Variants in CAST observed in about 807,000 individuals in gnomAD.
CAST encodes MIR583 host.
CAST carries 76 observed loss-of-function variants against 119.6 expected under a neutral mutation model. The observed-to-expected ratio is 0.64, with a 90% CI of 0.53 to 0.77. The LOEUF is 0.77. Ranked by LOEUF, CAST falls within the 30% of genes least tolerant of loss-of-function variation. The probability of loss-of-function intolerance (pLI) is 0.00; values close to 1 mark genes in which losing one functional copy is unlikely to be tolerated. For missense variants in CAST, 953 were observed against 946.5 expected (o/e 1.01, Z -0.09); for synonymous variants, 319 against 331.6 (o/e 0.96, Z 0.41).
the CAST span, among the ~76,000 whole-genome samples, chr5:96,152,518 G>A: frequency 6.6e-6 from 1 of 152,158 alleles, no homozygotes; most frequent in Non-Finnish European, 1.5e-5. Context: ...CCTGCTTTCA[G>A]GGAACTCTGT....
the CAST span, among the ~76,000 whole-genome samples, chr5:96,089,975 T>C: frequency 6.6e-6 from 1 of 152,206 alleles, no homozygotes; most frequent in Admixed American, 6.5e-5. Context: ...CCCCACTAAT[T>C]AGCTGTGTGA....
chr5:96,248,809 G>A, the CAST span, among the ~76,000 whole-genome samples: 2 of 152,176 alleles, frequency 1.3e-5, no homozygotes, highest in Non-Finnish European at 1.5e-5. Flanking sequence ...TACAAAAGAC[G>A]TGTTTTGTTT....
the CAST span, among the ~76,000 whole-genome samples, chr5:96,204,025 C>G: frequency 6.6e-6 from 1 of 152,074 alleles, no homozygotes; most frequent in African/African-American, 2.4e-5. Flanking sequence ...AGAGAAAAAC[C>G]CTGCTATTTC....
At chr5:96,240,411 T>C in the CAST span, among the ~76,000 whole-genome samples, 1 of 152,204 alleles carries the variant, frequency 6.6e-6, no homozygotes, top group Non-Finnish European at 1.5e-5. Flanking sequence ...GCGTCCGATT[T>C]CTGGGTCCAC....
the CAST span, among the ~76,000 whole-genome samples, chr5:96,498,699 A>G: frequency 6.6e-6 from 1 of 152,330 alleles, no homozygotes; most frequent in East Asian, 1.9e-4. Flanking sequence ...CTAGTGATGC[A>G]CCATTCAGAT....
chr5:96,127,934 AC>A, the CAST span, among the ~76,000 whole-genome samples: 1 of 152,118 alleles, frequency 6.6e-6, no homozygotes, highest in East Asian at 1.9e-4. Flanking sequence ...TTACATGTTA[AC>A]TTCAGTATCA....
chr5:96,492,472 G>A, the CAST span, among the ~76,000 whole-genome samples: 125,632 of 152,120 alleles, frequency 0.83, 53,082 homozygotes, highest in Non-Finnish European at 0.94. Context: ...AGCTACTGGG[G>A]TCTATTTCTA....
intron 18 of CAST, among the ~76,000 whole-genome samples, chr5:96,748,280 G>A (rs749088570): frequency 2.6e-5 from 4 of 152,158 alleles, no homozygotes; most frequent in Admixed American, 2.0e-4. Flanking sequence ...TCAAGGGAAT[G>A]TTTGACCAAA....
chr5:96,068,165 A>G, the CAST span, among the ~76,000 whole-genome samples: 5 of 152,172 alleles, frequency 3.3e-5, no homozygotes, highest in African/African-American at 1.2e-4. Flanking sequence ...CGATCCTGTC[A>G]TCATTTTAGT....
chr5:95,999,162 C>T, the CAST span, among the ~76,000 whole-genome samples: 1 of 152,070 alleles, frequency 6.6e-6, no homozygotes, highest in African/African-American at 2.4e-5. Context: ...AGGGCCCAGG[C>T]AACTACTAAC....
chr5:96,545,555 C>T (rs1000256624), intron 1 of CAST, among the ~76,000 whole-genome samples: 5 of 152,184 alleles, frequency 3.3e-5, no homozygotes, highest in Non-Finnish European at 7.3e-5. Flanking sequence ...CAATGTGCCA[C>T]CAAGTGATTT....
chr5:96,391,630 C>T, the CAST span: 1 of 152,110 alleles, frequency 6.6e-6, no homozygotes, highest in African/African-American at 2.4e-5. Context: ...AAATCAAATG[C>T]CTATTGGATA....
chr5:96,655,272 C>G (rs1019269007), intron 1 of CAST, among the ~76,000 whole-genome samples: 49 of 152,038 alleles, frequency 3.2e-4, no homozygotes, highest in Non-Finnish European at 7.4e-5. Context: ...AGAACAGCAA[C>G]ATGGAAAAAT....
At chr5:96,659,752 ACTC>A (rs1245202207), upstream of CAST, among the ~76,000 whole-genome samples, 1 of 151,904 alleles carries the variant, frequency 6.6e-6, no homozygotes, top group Non-Finnish European at 1.5e-5. Flanking sequence ...CTGGTCTCGA[ACTC>A]CTGAGCTCAG....
the CAST span, among the ~76,000 whole-genome samples, chr5:96,464,937 TC>T: frequency 6.6e-6 from 1 of 152,056 alleles, no homozygotes; most frequent in Non-Finnish European, 1.5e-5. Context: ...ATTTTCAAGT[TC>T]CTAATAAAAA....
the CAST span, among the ~76,000 whole-genome samples, chr5:96,466,757 A>G: frequency 6.6e-6 from 1 of 152,110 alleles, no homozygotes; most frequent in African/African-American, 2.4e-5. Context: ...ACTCTTCTTT[A>G]TGTAGAAACT....
At chr5:96,080,374 C>T in the CAST span, among the ~76,000 whole-genome samples, 5 of 152,266 alleles carry the variant, frequency 3.3e-5, no homozygotes, top group East Asian at 9.6e-4. Context: ...TGAAACTTGA[C>T]AAAATCTCAC....
the CAST span, among the ~76,000 whole-genome samples, chr5:95,998,577 C>A: frequency 1.2e-3 from 178 of 152,298 alleles, 1 homozygote; most frequent in African/African-American, 4.1e-3. Context: ...CATGTTGTCA[C>A]AAATGACATG....
chr5:96,617,034 A>T (rs1164204129), intron 1 of CAST, among the ~76,000 whole-genome samples: 1 of 152,114 alleles, frequency 6.6e-6, no homozygotes. Flanking sequence ...TTGACACATC[A>T]AGGCCATTGC....
Sources: allele counts gnomAD v4.1 joint callset (sites outside exome capture counted in the v4.1 genomes callset), GRCh38; gene constraint gnomAD v4.1.1; transcripts MANE v1.5; gene names NCBI Gene and HGNC (gene_info 2026-07-23, HGNC 2026-07-21).